Variants in ARHGAP26 observed in about 807,000 individuals in gnomAD.
ARHGAP26 encodes rho GTPase-activating protein 26.
ARHGAP26 carries 38 observed loss-of-function variants against 104.8 expected under a neutral mutation model. The observed-to-expected ratio is 0.36, with a 90% CI of 0.28 to 0.48. The LOEUF is 0.48. ARHGAP26 is among the 20% of genes least tolerant of loss of function. ARHGAP26 has a pLI of 0.99. For missense variants in ARHGAP26, 704 were observed against 947.9 expected (o/e 0.74, Z 3.38); for synonymous variants, 341 against 340.0 (o/e 1.00, Z -0.03).
chr5:142,961,372 GT>G (rs1282326372), intron 11 of ARHGAP26, among the ~76,000 whole-genome samples: 5 of 151,924 alleles, frequency 3.3e-5, no homozygotes, highest in Non-Finnish European at 5.9e-5. Flanking sequence ...TGCACCTGCA[GT>G]TCCAGCTACG....
chr5:143,043,946 T>C (rs1411608815), intron 14 of ARHGAP26, among the ~76,000 whole-genome samples: 1 of 152,222 alleles, frequency 6.6e-6, no homozygotes, highest in African/African-American at 2.4e-5. Context: ...GCAAAGGGTA[T>C]TGATTCTATG....
At chr5:142,941,955 TTGATGGGTAGTA>T (rs1766416433) in intron 11 of ARHGAP26, among the ~76,000 whole-genome samples, 1 of 152,184 alleles carries the variant, frequency 6.6e-6, no homozygotes, top group South Asian at 2.1e-4. Flanking sequence ...AGCAGTCACT[TTGATGGGTAGTA>T]AAGATACTAA....
intron 17 of ARHGAP26, among the ~76,000 whole-genome samples, chr5:143,084,037 G>A (rs186738821): frequency 2.6e-5 from 4 of 152,304 alleles, no homozygotes; most frequent in East Asian, 3.9e-4. Flanking sequence ...CGCCGTCCAC[G>A]TCATTGACTT....
At chr5:143,122,257 C>T (rs573287778) in intron 18 of ARHGAP26, among the ~76,000 whole-genome samples, 1 of 152,198 alleles carries the variant, frequency 6.6e-6, no homozygotes, top group Non-Finnish European at 1.5e-5. Flanking sequence ...CTGCATCTCT[C>T]CTATAGCCAT....
intron 20 of ARHGAP26, chr5:143,166,226 A>T (rs1801928342): frequency 2.0e-6 from 1 of 494,638 alleles, no homozygotes; most frequent in Admixed American, 5.3e-5. Flanking sequence ...CTCTCTGAGT[A>T]GCCGGAAGAG....
chr5:142,824,406 G>A (rs1054540594), intron 1 of ARHGAP26, among the ~76,000 whole-genome samples: 2 of 152,140 alleles, frequency 1.3e-5, no homozygotes, highest in African/African-American at 4.8e-5. Flanking sequence ...AGCTGGAAGT[G>A]TGTGGTCCCC....
At chr5:142,848,928 C>T (rs1282235649) in intron 1 of ARHGAP26, among the ~76,000 whole-genome samples, 1 of 152,198 alleles carries the variant, frequency 6.6e-6, no homozygotes, top group Non-Finnish European at 1.5e-5. Flanking sequence ...AGAGGACAAA[C>T]ATGGGTGTGT....
intron 1 of ARHGAP26, among the ~76,000 whole-genome samples, chr5:142,843,667 G>T (rs1771282596): frequency 6.6e-6 from 1 of 152,136 alleles, no homozygotes; most frequent in Non-Finnish European, 1.5e-5. Flanking sequence ...ACATTTCTCA[G>T]TATGAGTTGT....
At position 142,963,274 on chromosome 5, in the gene ARHGAP26, A is replaced by G. The variant is rs55943714; in HGVS notation, c.1107+31149A>G. Among the ~76,000 whole-genome samples the G allele has an allele frequency of 5.3e-4, 79 of 149,118 alleles. 1 individual carries two copies. The highest frequency in any genetic ancestry group is 1.8e-3 in the African/African-American group (73 of 40,080). ...TAACCTGTCATTGATGGGCATTTAG[A>G]TTGATTCCGTGACTTTGCTATTGAT... On this transcript the variant is annotated intron_variant, in intron 11 of 22. Coordinates refer to ENST00000645722, the MANE Select transcript of ARHGAP26 (RefSeq NM_001135608.3).
At chr5:143,039,572 A>G (rs1783150101) in intron 13 of ARHGAP26, among the ~76,000 whole-genome samples, 1 of 152,034 alleles carries the variant, frequency 6.6e-6, no homozygotes, top group African/African-American at 2.4e-5. Context: ...AATAAAATGT[A>G]CAGAGTTTAA....
At chr5:142,955,349 G>A (rs1326865081) in intron 11 of ARHGAP26, among the ~76,000 whole-genome samples, 1 of 152,076 alleles carries the variant, frequency 6.6e-6, no homozygotes, top group Non-Finnish European at 1.5e-5. Context: ...CAAAGAAGAT[G>A]CATTCTGATT....
intron 4 of ARHGAP26, among the ~76,000 whole-genome samples, chr5:142,881,819 G>A (rs1349271607): frequency 6.6e-6 from 1 of 152,210 alleles, no homozygotes; most frequent in Non-Finnish European, 1.5e-5. Flanking sequence ...TTGGCCAAGT[G>A]GAGGTTCTGA....
intron 12 of ARHGAP26, among the ~76,000 whole-genome samples, chr5:143,027,698 A>G (rs1781265451): frequency 6.6e-6 from 1 of 152,232 alleles, no homozygotes; most frequent in Non-Finnish European, 1.5e-5. Context: ...AAGTGGAACA[A>G]TCCAGCATTC....
chr5:143,100,353 A>G (rs1793032986), intron 17 of ARHGAP26, among the ~76,000 whole-genome samples: 1 of 152,234 alleles, frequency 6.6e-6, no homozygotes, highest in South Asian at 2.1e-4. Context: ...ATAAGAGCCA[A>G]ACAGCCATGG....
chr5:142,772,319 T>C (rs535771221), intron 1 of ARHGAP26, among the ~76,000 whole-genome samples: 2 of 152,336 alleles, frequency 1.3e-5, no homozygotes, highest in East Asian at 1.9e-4. Context: ...CTGAAACATA[T>C]GAACAGACCC....
At position 143,057,767 on chromosome 5, in the gene ARHGAP26, C is replaced by G; in HGVS notation, c.1538+20C>G. 5 of 1,596,138 alleles carry G rather than the reference C, an allele frequency of 3.1e-6. No individual in the cohort carries two copies. The highest frequency in any genetic ancestry group is 4.3e-6 in the Non-Finnish European group (5 of 1,164,040). Reference sequence around the variant, plus strand: ...GGCAAAGTAGGTTTAAGACCAATTACTAGCCTTTTTCTTACCCCTGAAAGT... The same window carrying G: ...GGCAAAGTAGGTTTAAGACCAATTAGTAGCCTTTTTCTTACCCCTGAAAGT... On this transcript the variant is annotated intron_variant, in intron 17 of 22. Transcript: ENST00000645722.
chr5:142,823,541 C>G (rs1766622774), intron 1 of ARHGAP26, among the ~76,000 whole-genome samples: 2 of 152,126 alleles, frequency 1.3e-5, no homozygotes, highest in South Asian at 4.1e-4. Context: ...GGAACAAACT[C>G]TGTTACTCTG....
chr5:143,137,468 G>A (rs1798030423), intron 19 of ARHGAP26, among the ~76,000 whole-genome samples: 1 of 152,104 alleles, frequency 6.6e-6, no homozygotes. Context: ...CTTTCTTCAG[G>A]TTCTTGCCAC....
At chr5:142,954,233 T>G (rs927350705) in intron 11 of ARHGAP26, among the ~76,000 whole-genome samples, 1 of 152,190 alleles carries the variant, frequency 6.6e-6, no homozygotes, top group African/African-American at 2.4e-5. Context: ...ATATATGGGA[T>G]TTTCCTGAGA....
Sources: allele counts gnomAD v4.1 joint callset (sites outside exome capture counted in the v4.1 genomes callset), GRCh38; gene constraint gnomAD v4.1.1; transcripts MANE v1.5; gene names NCBI Gene and HGNC (gene_info 2026-07-23, HGNC 2026-07-21).